Variants in VSNL1 observed in about 807,000 individuals in gnomAD.
VSNL1 encodes visinin like 1, also known as visinin-like protein 1.
A neutral mutation model predicts 20.4 loss-of-function variants in VSNL1; 6 were observed. The ratio of observed to expected loss-of-function variants is 0.29; its 90% CI spans 0.16 to 0.58. The LOEUF is 0.58. VSNL1 is among the 20% of genes least tolerant of loss of function. The pLI is 0.90. For missense variants in VSNL1, 100 were observed against 234.5 expected, an observed-to-expected ratio of 0.43 and a Z score of 3.75; for synonymous variants, 93 against 86.4, an observed-to-expected ratio of 1.08 and a Z score of -0.42.
chr2:17,620,107 G>A (rs1486233580), intron 2 of VSNL1, among the ~76,000 whole-genome samples: 1 of 152,142 alleles, frequency 6.6e-6, no homozygotes, highest in Non-Finnish European at 1.5e-5. Context: ...GGAAAGCATG[G>A]AGGTAAGAAA....
intron 1 of VSNL1, among the ~76,000 whole-genome samples, chr2:17,547,235 A>G (rs1042019822): frequency 6.6e-6 from 1 of 152,050 alleles, no homozygotes; most frequent in Non-Finnish European, 1.5e-5. Flanking sequence ...TCAGTTTCTA[A>G]TAGTAATTCA....
intron 3 of VSNL1, among the ~76,000 whole-genome samples, chr2:17,652,815 C>A (rs1448205705): frequency 6.6e-6 from 1 of 152,178 alleles, no homozygotes; most frequent in African/African-American, 2.4e-5. Context: ...CTGCCTGGCT[C>A]CCTCTCTGGT....
At chr2:17,640,899 C>T (rs758802046) in intron 2 of VSNL1, among the ~76,000 whole-genome samples, 71 of 152,364 alleles carry the variant, frequency 4.7e-4, no homozygotes, top group South Asian at 1.0e-3. Context: ...TACTCACCCT[C>T]CAGTGCCATA....
Position 17,649,386 on chromosome 2 carries a change from G to T in VSNL1, c.163-24G>T, listed in dbSNP as rs1163550343. ...CCGATTCCATCCCCTCCCGACACCTGACTGCGCGTGTTCTCCTTTGCAGTT... is the reference window on the plus strand; with the variant it reads ...CCGATTCCATCCCCTCCCGACACCTTACTGCGCGTGTTCTCCTTTGCAGTT... On this transcript the variant is annotated intron_variant, in intron 2 of 3. Transcript: ENST00000295156. The surrounding 1 kb of genome is among the most constrained non-coding windows in gnomAD (Gnocchi z 6.4). 1.2e-6 allele frequency: 2 copies of T among 1,612,266 alleles called. No individual in the cohort carries two copies. Among genetic ancestry groups the T allele is most frequent in the South Asian group, 2.2e-5 (2 of 91,004 alleles).
chr2:17,612,942 G>C (rs779481824), intron 2 of VSNL1, among the ~76,000 whole-genome samples: 1 of 152,124 alleles, frequency 6.6e-6, no homozygotes, highest in Non-Finnish European at 1.5e-5. Flanking sequence ...CTTGGGTGAA[G>C]GTGCTTCCAG....
intron 1 of VSNL1, among the ~76,000 whole-genome samples, chr2:17,556,251 C>T (rs774446601): frequency 4.6e-5 from 7 of 152,100 alleles, no homozygotes; most frequent in African/African-American, 1.7e-4. Context: ...GAAAATGTAA[C>T]GTTTATGAAC....
intron 1 of VSNL1, among the ~76,000 whole-genome samples, chr2:17,568,078 C>G (rs1322744302): frequency 6.6e-6 from 1 of 151,984 alleles, no homozygotes; most frequent in Admixed American, 6.6e-5. Context: ...TTCCATCTAT[C>G]TTCTTATATT....
intron 2 of VSNL1, among the ~76,000 whole-genome samples, chr2:17,620,395 A>G (rs539490917): frequency 1.3e-5 from 2 of 152,336 alleles, no homozygotes; most frequent in Non-Finnish European, 2.9e-5. Context: ...AGGGCAGGCT[A>G]GAGGCAGAAA....
intron 2 of VSNL1, among the ~76,000 whole-genome samples, chr2:17,615,202 T>C (rs1316541711): frequency 6.6e-6 from 1 of 152,204 alleles, no homozygotes; most frequent in Non-Finnish European, 1.5e-5. Context: ...CACACATAGC[T>C]CCCTGCCCCC....
Position 17,592,626 on chromosome 2 carries a change from TTC to T in VSNL1, c.162+404_162+405del, listed in dbSNP as rs1483104300. Among the ~76,000 whole-genome samples the T allele has an allele frequency of 2.1e-4, 25 of 116,794 alleles. No homozygotes were observed. The South Asian group carries it at 6.4e-3, about 30-fold the overall frequency. 76.6% of individuals were successfully genotyped at this position (116,794 alleles called of 152,430 possible). On this transcript the variant is annotated intron_variant, in intron 2 of 3. Coordinates refer to ENST00000295156, the MANE Select transcript of VSNL1 (RefSeq NM_003385.5). ...AAGAAAAAGTACACAAGAGGGCTTT[TTC>T]TCTCTCTCTCTCTTTTTTTTTTTTT...
At chr2:17,642,600 G>A (rs6756366) in intron 2 of VSNL1, among the ~76,000 whole-genome samples, 64,446 of 151,958 alleles carry the variant, frequency 0.42, 15,664 homozygotes, top group African/African-American at 0.64. Flanking sequence ...GAGCCACTGC[G>A]CCCAGCCGGT....
chr2:17,650,156 C>A (rs543626624), intron 3 of VSNL1, among the ~76,000 whole-genome samples: 16 of 152,116 alleles, frequency 1.1e-4, no homozygotes, highest in Admixed American at 3.9e-4. Flanking sequence ...CACTTCAGGG[C>A]CTTCCACTTC....
chr2:17,615,736 G>C (rs1665201563), intron 2 of VSNL1, among the ~76,000 whole-genome samples: 1 of 152,160 alleles, frequency 6.6e-6, no homozygotes, highest in African/African-American at 2.4e-5. Context: ...TGCAGTTCCA[G>C]GCTTCACATT....
rs1666241341 is a variant in VSNL1 at position 17,656,742 on chromosome 2, C to T, written c.*1348C>T. 2 of 152,168 alleles carry T rather than the reference C, an allele frequency of 1.3e-5. No homozygotes were observed. Among genetic ancestry groups the T allele is most frequent in the Non-Finnish European group, 2.9e-5 (2 of 68,040 alleles). The allele number at this position is 152,168 out of a possible 1,614,324, so 9.4% of individuals were successfully genotyped here. On this transcript the variant is annotated 3_prime_UTR_variant, in exon 4 of 4. Coordinates refer to ENST00000295156, the MANE Select transcript of VSNL1 (RefSeq NM_003385.5). ...ACAGCACTACCCGGTAGTACTTTCT[C>T]TGATGATGGGAAGGTCTACATCTGC...
intron 1 of VSNL1, among the ~76,000 whole-genome samples, chr2:17,564,217 C>A (rs1231231549): frequency 6.6e-6 from 1 of 152,116 alleles, no homozygotes; most frequent in East Asian, 1.9e-4. Context: ...CACTTCTGAT[C>A]ATTAAGTAGA....
chr2:17,644,065 C>T (rs539014494), intron 2 of VSNL1, among the ~76,000 whole-genome samples: 1 of 152,236 alleles, frequency 6.6e-6, no homozygotes, highest in East Asian at 1.9e-4. Flanking sequence ...GCAAATTTCC[C>T]CTGGAGCTGT....
At position 17,592,061 on chromosome 2, in the gene VSNL1, T is replaced by G; in HGVS notation, c.-5-9T>G. 6.2e-7 allele frequency: 1 copy of G among 1,613,518 alleles called. No homozygotes were observed. The highest frequency in any genetic ancestry group is 8.5e-7 in the Non-Finnish European group (1 of 1,179,626). On this transcript the variant is annotated splice_polypyrimidine_tract_variant and intron_variant, in intron 1 of 3. Coordinates refer to ENST00000295156, the MANE Select transcript of VSNL1 (RefSeq NM_003385.5). ...ACAGCGCTAATTGAATTAATTTGCTTTTCTTCAGGCAGGATGGGGAAGCAG... is the reference window on the plus strand; with the variant it reads ...ACAGCGCTAATTGAATTAATTTGCTGTTCTTCAGGCAGGATGGGGAAGCAG...
chr2:17,573,666 C>A (rs186369739), intron 1 of VSNL1, among the ~76,000 whole-genome samples: 1 of 152,150 alleles, frequency 6.6e-6, no homozygotes, highest in African/African-American at 2.4e-5. Flanking sequence ...CCATTGTATC[C>A]TCCATTGCCT....
intron 2 of VSNL1, among the ~76,000 whole-genome samples, chr2:17,600,519 C>G (rs561438308): frequency 6.6e-6 from 1 of 152,320 alleles, no homozygotes; most frequent in Non-Finnish European, 1.5e-5. Context: ...ACTGCCTCTT[C>G]TCAACATCTG....
Sources: allele counts gnomAD v4.1 joint callset (sites outside exome capture counted in the v4.1 genomes callset), GRCh38; gene constraint gnomAD v4.1.1; non-coding constraint Gnocchi (gnomAD v3.1); transcripts MANE v1.5; gene names NCBI Gene and HGNC (gene_info 2026-07-23, HGNC 2026-07-21).